The following RCOR1 variants were observed in gnomAD, a reference collection of about 807,000 sequenced individuals.
RCOR1 encodes the protein REST corepressor.
RCOR1 carries 12 observed loss-of-function variants against 64.0 expected under a neutral mutation model. The ratio of observed to expected loss-of-function variants is 0.19; its 90% CI spans 0.12 to 0.30. The LOEUF is 0.30. RCOR1 is among the 10% of genes least tolerant of loss of function. The pLI, the probability that RCOR1 is intolerant of heterozygous loss-of-function variation, is 1.00. For synonymous variants in RCOR1, 279 were observed against 227.2 expected, an observed-to-expected ratio of 1.23 and a Z score of -2.05; for missense variants, 502 against 621.2, an observed-to-expected ratio of 0.81 and a Z score of 2.04.
At chr14:102,691,484 T>G (rs761245321) in intron 3 of RCOR1, among the ~76,000 whole-genome samples, 2 of 152,168 alleles carry the variant, frequency 1.3e-5, no homozygotes, top group Non-Finnish European at 2.9e-5. Flanking sequence ...CAAAACAACT[T>G]ATTCTTTGAC....
chr14:102,617,653 A>C (rs951959885), intron 2 of RCOR1, among the ~76,000 whole-genome samples: 8 of 146,558 alleles, frequency 5.5e-5, no homozygotes, highest in Non-Finnish European at 1.2e-4. Context: ...GCAGTGGCAC[A>C]GACTTGGCTC....
intron 2 of RCOR1, among the ~76,000 whole-genome samples, chr14:102,640,541 T>A (rs1433060044): frequency 6.6e-6 from 1 of 152,208 alleles, no homozygotes; most frequent in East Asian, 1.9e-4. Flanking sequence ...TGCAATTTTT[T>A]AAAATTAATT....
At chr14:102,688,443 T>C (rs187097155) in intron 3 of RCOR1, among the ~76,000 whole-genome samples, 2 of 152,296 alleles carry the variant, frequency 1.3e-5, no homozygotes, top group South Asian at 2.1e-4. Context: ...AGAACTGATA[T>C]GATTTACACT....
At chr14:102,710,052 G>T (rs1895927739) in intron 6 of RCOR1, among the ~76,000 whole-genome samples, 1 of 152,234 alleles carries the variant, frequency 6.6e-6, no homozygotes, top group Non-Finnish European at 1.5e-5. Context: ...AACAGGACTT[G>T]CCTGTGAAAG....
At chr14:102,604,191 A>G (rs1595190430) in intron 2 of RCOR1, among the ~76,000 whole-genome samples, 1 of 152,322 alleles carries the variant, frequency 6.6e-6, no homozygotes, top group East Asian at 1.9e-4. Context: ...GACCCAAATC[A>G]CAGTGCTGGA....
chr14:102,615,126 C>T (rs1197524564), intron 2 of RCOR1, among the ~76,000 whole-genome samples: 1 of 70,622 alleles, frequency 1.4e-5, no homozygotes, highest in African/African-American at 4.1e-5. Context: ...CCATAGTGCC[C>T]GGCCCCCCCG....
chr14:102,634,505 CT>C lies in RCOR1; in HGVS notation c.361+41181del, dbSNP rs1030209021. ...CAGATGAATATCTGGTTCCCACTATCTAGGGACAGAAGGTTCCCACTAACAT... is the reference window on the plus strand; with the variant it reads ...CAGATGAATATCTGGTTCCCACTATCAGGGACAGAAGGTTCCCACTAACAT... On this transcript the variant is annotated intron_variant, in intron 2 of 11. Coordinates refer to ENST00000262241, the MANE Select transcript of RCOR1 (RefSeq NM_015156.4). 2.1e-4 allele frequency among the ~76,000 whole-genome samples: 32 copies of C among 152,142 alleles called. 1 individual carries two copies. Among genetic ancestry groups the C allele is most frequent in the African/African-American group, 7.5e-4 (31 of 41,486 alleles).
At chr14:102,630,074 A>G (rs577584535) in intron 2 of RCOR1, 1 of 825,746 alleles carries the variant, frequency 1.2e-6, no homozygotes, top group African/African-American at 1.8e-5. Flanking sequence ...AGCAAACCTC[A>G]TGTTGAAATT....
At chr14:102,670,212 C>CA (rs1444310991) in intron 2 of RCOR1, among the ~76,000 whole-genome samples, 7 of 152,184 alleles carry the variant, frequency 4.6e-5, no homozygotes, top group African/African-American at 1.7e-4. Flanking sequence ...TGGCCTCTCC[C>CA]AAAGTGCTGG....
chr14:102,708,700 A>G (rs1427719448), intron 6 of RCOR1, 117 bp downstream of exon 6: 4 of 650,700 alleles, frequency 6.1e-6, no homozygotes, highest in African/African-American at 5.5e-5. Flanking sequence ...GTGGAACCAC[A>G]TGTTCATGAG....
intron 2 of RCOR1, among the ~76,000 whole-genome samples, chr14:102,681,610 AC>A (rs1392781676): frequency 6.6e-6 from 1 of 152,226 alleles, no homozygotes; most frequent in Non-Finnish European, 1.5e-5. Context: ...TTTTAAAAGA[AC>A]CTTTGAGCAC....
chr14:102,650,867 C>A, intron 2 of RCOR1: 1 of 386,602 alleles, frequency 2.6e-6, no homozygotes, highest in Non-Finnish European at 3.5e-6. Flanking sequence ...ACTTACGGGA[C>A]TTGATTTAGA....
intron 4 of RCOR1, among the ~76,000 whole-genome samples, chr14:102,705,568 C>T (rs563193645): frequency 1.3e-5 from 2 of 152,280 alleles, no homozygotes; most frequent in African/African-American, 2.4e-5. Context: ...CCTGCCTCAG[C>T]CCCCCAAGTA....
At chr14:102,691,299 CTGGGGACTACCTAGGA>C (rs1201915948) in intron 3 of RCOR1, among the ~76,000 whole-genome samples, 1 of 148,712 alleles carries the variant, frequency 6.7e-6, no homozygotes, top group Non-Finnish European at 1.5e-5. Context: ...AAATAAGACA[CTGGGGACTACCTAGGA>C]TGGGGAGAGG....
At chr14:102,678,750 G>A (rs1161710898) in intron 2 of RCOR1, among the ~76,000 whole-genome samples, 2 of 152,212 alleles carry the variant, frequency 1.3e-5, no homozygotes, top group Admixed American at 1.3e-4. Flanking sequence ...TACACCAGCA[G>A]TGTATGAGAA....
chr14:102,601,055 G>C (rs1263548940), intron 2 of RCOR1, among the ~76,000 whole-genome samples: 1 of 151,962 alleles, frequency 6.6e-6, no homozygotes, highest in African/African-American at 2.4e-5. Context: ...TGGGCGTGGT[G>C]GTGCATGCCT....
intron 3 of RCOR1, among the ~76,000 whole-genome samples, chr14:102,693,583 C>G (rs1398636582): frequency 6.6e-6 from 1 of 151,366 alleles, no homozygotes; most frequent in Admixed American, 6.6e-5. Flanking sequence ...CTCTCACAGG[C>G]AGGAGAGCCT....
chr14:102,634,802 T>C (rs1314687184), intron 2 of RCOR1, among the ~76,000 whole-genome samples: 1 of 151,824 alleles, frequency 6.6e-6, no homozygotes, highest in South Asian at 2.1e-4. Flanking sequence ...GTTCAAGTGA[T>C]TCTCCTGCCT....
Position 102,708,478 on chromosome 14 carries a change from CTA to C in RCOR1, c.677_678del (p.Ile226SerfsTer16). 6.5e-7 allele frequency: 1 copy of C among 1,542,528 alleles called. No individual in the cohort carries two copies. Among genetic ancestry groups the C allele is most frequent in the South Asian group, 1.1e-5 (1 of 89,138 alleles). On this transcript the variant is annotated frameshift_variant, in exon 6 of 12. Transcript: ENST00000262241. LOFTEE classifies it high-confidence loss of function. ...TTTTATGTTTAGCTTCCAGATAAAT[CTA>C]TAGCAAGTCTGGTGAAATTTTACTA...
Sources: gnomAD v4.1 joint callset for allele counts (sites outside exome capture counted in the v4.1 genomes callset) on GRCh38, gnomAD v4.1.1 for gene constraint, MANE v1.5 for transcripts, NCBI Gene and HGNC (gene_info 2026-07-23, HGNC 2026-07-21) for gene names.